The following KCNH7 variants were observed in gnomAD, a reference collection of about 807,000 sequenced individuals.
KCNH7 encodes the protein potassium voltage-gated channel subfamily H member 7.
In KCNH7, 49 loss-of-function variants were observed where a neutral mutation model predicts 120.8. The ratio of observed to expected loss-of-function variants is 0.41; its 90% confidence interval spans 0.32 to 0.51. The LOEUF (loss-of-function observed/expected upper bound fraction) is 0.51. Ranked by LOEUF, KCNH7 falls within the 20% of genes least tolerant of loss-of-function variation. The pLI is 0.38. For missense variants in KCNH7, 1,097 were observed against 1,446.6 expected (o/e 0.76, Z 3.92); for synonymous variants, 547 against 516.1 (o/e 1.06, Z -0.81).
intron 2 of KCNH7, among the ~76,000 whole-genome samples, chr2:162,736,087 CCTG>C: frequency 6.7e-6 from 1 of 149,350 alleles, no homozygotes; most frequent in East Asian, 1.9e-4. Flanking sequence ...GAATGCTTTT[CCTG>C]TTAACTGATG....
intron 2 of KCNH7, among the ~76,000 whole-genome samples, chr2:162,563,551 G>A (rs1693147206): frequency 6.6e-6 from 1 of 152,136 alleles, no homozygotes; most frequent in Non-Finnish European, 1.5e-5. Flanking sequence ...GATAAAGAAT[G>A]CCTTTGCAAA....
intron 2 of KCNH7, among the ~76,000 whole-genome samples, chr2:162,761,083 A>C (rs1559120502): frequency 6.6e-6 from 1 of 152,098 alleles, no homozygotes. Flanking sequence ...TTCTGTAAAA[A>C]CTAGTAACAC....
At chr2:162,560,532 G>A (rs1432630052) in intron 2 of KCNH7, among the ~76,000 whole-genome samples, 2 of 152,186 alleles carry the variant, frequency 1.3e-5, no homozygotes, top group African/African-American at 4.8e-5. Context: ...CAGAGGGACA[G>A]AAGATAATGT....
At chr2:162,538,501 C>T (rs1342877534) in intron 2 of KCNH7, among the ~76,000 whole-genome samples, 7 of 151,964 alleles carry the variant, frequency 4.6e-5, no homozygotes, top group Admixed American at 2.6e-4. Flanking sequence ...GTGCCAGGAC[C>T]CCTGGAGGCT....
At chr2:162,634,355 G>A (rs140624877) in intron 2 of KCNH7, among the ~76,000 whole-genome samples, 40 of 152,044 alleles carry the variant, frequency 2.6e-4, no homozygotes, top group African/African-American at 6.5e-4. Flanking sequence ...AGGGCATGCC[G>A]TCTTTATATC....
chr2:162,599,383 G>A (rs1027147324), intron 2 of KCNH7, among the ~76,000 whole-genome samples: 3 of 152,000 alleles, frequency 2.0e-5, no homozygotes, highest in African/African-American at 7.2e-5. Context: ...TCCAGGCAAA[G>A]CTGTAAGTTA....
intron 6 of KCNH7, among the ~76,000 whole-genome samples, chr2:162,491,036 A>G (rs368362641): frequency 4.6e-5 from 7 of 152,290 alleles, no homozygotes; most frequent in African/African-American, 1.7e-4. Context: ...GTGACCACGC[A>G]GGACAGGAAT....
intron 2 of KCNH7, among the ~76,000 whole-genome samples, chr2:162,632,170 C>A (rs1352149604): frequency 6.6e-6 from 1 of 151,906 alleles, no homozygotes; most frequent in Non-Finnish European, 1.5e-5. Context: ...AATGATTCAG[C>A]AAGATGGTAA....
At chr2:162,725,492 T>A (rs1687480564) in intron 2 of KCNH7, among the ~76,000 whole-genome samples, 1 of 152,190 alleles carries the variant, frequency 6.6e-6, no homozygotes, top group Non-Finnish European at 1.5e-5. Flanking sequence ...CATACAACTT[T>A]CATGCAGTCT....
intron 6 of KCNH7, among the ~76,000 whole-genome samples, chr2:162,468,512 CTTTTTTTTTTTTTTTT>C (rs1166606647): frequency 1.3e-5 from 1 of 78,916 alleles, no homozygotes; most frequent in African/African-American, 6.7e-5. Flanking sequence ...TATTCTTTTC[CTTTTTTTTTTTTTTTT>C]TTTTTTTTTT....
Position 162,384,885 on chromosome 2 carries a change from C to A in KCNH7, c.2765G>T (p.Ser922Ile), listed in dbSNP as rs1408416530. ...TTTCTCTTCAAAGTGTCTCTTGGAA[C>A]TCTGATAATGTCTTATGGTATCTGC... ...DSADTIRHYQ[S>I]SKRHFEEKKS... Residue 922 changes from serine (S) to isoleucine (I), a missense_variant, in exon 13 of 16, where the codon AGT (serine) becomes ATT (isoleucine). Physicochemically the swap from Ser to Ile is moderately radical, Grantham distance 142. Coordinates refer to ENST00000332142, the MANE Select transcript of KCNH7 (RefSeq NM_033272.4). The A allele has an allele frequency of 1.9e-6, 3 of 1,612,196 alleles. No homozygotes were observed.
At chr2:162,770,286 C>A (rs1165279472) in intron 2 of KCNH7, among the ~76,000 whole-genome samples, 1 of 150,328 alleles carries the variant, frequency 6.7e-6, no homozygotes, top group Non-Finnish European at 1.5e-5. Flanking sequence ...TATAGAGTTC[C>A]TGAACATTAC....
intron 2 of KCNH7, among the ~76,000 whole-genome samples, chr2:162,630,510 A>G (rs927981875): frequency 1.3e-5 from 2 of 152,094 alleles, no homozygotes; most frequent in Non-Finnish European, 2.9e-5. Context: ...AAAGTGAAAA[A>G]AATGTAATGT....
At position 162,518,010 on chromosome 2, in the gene KCNH7, T is replaced by C. The variant is rs1380313469; in HGVS notation, c.612A>G (p.Thr204=). 1.2e-6 allele frequency: 2 copies of C among 1,612,536 alleles called. No individual in the cohort carries two copies. Among genetic ancestry groups the C allele is most frequent in the African/African-American group, 2.7e-5 (2 of 74,898 alleles). ...CTTCAGAGGGGCTGCAGCTTTCTTT[T>C]GTAGGAGACTTAAAATGCTTCATGG... The part of the protein sequence containing the change: ...SVAMKHFKSP[T]KESCSPSEAD... Residue 204 remains threonine (T), a synonymous_variant, in exon 4 of 16, where the codon ACA becomes ACG. Coordinates refer to ENST00000332142, the MANE Select transcript of KCNH7 (RefSeq NM_033272.4).
At chr2:162,660,809 T>C (rs1684933667) in intron 2 of KCNH7, among the ~76,000 whole-genome samples, 1 of 152,178 alleles carries the variant, frequency 6.6e-6, no homozygotes, top group Non-Finnish European at 1.5e-5. Context: ...TTTAAAATGG[T>C]ATATGTCGAA....
intron 3 of KCNH7, among the ~76,000 whole-genome samples, chr2:162,523,898 G>A (rs1002300353): frequency 6.6e-6 from 1 of 151,734 alleles, no homozygotes; most frequent in Non-Finnish European, 1.5e-5. Flanking sequence ...TTCCTGCTTG[G>A]TTCTGCTAGG....
intron 2 of KCNH7, among the ~76,000 whole-genome samples, chr2:162,732,332 G>A (rs1452063748): frequency 6.6e-6 from 1 of 152,012 alleles, no homozygotes; most frequent in African/African-American, 2.4e-5. Context: ...GAAACCAAAA[G>A]GTTTTATATA....
intron 12 of KCNH7, among the ~76,000 whole-genome samples, chr2:162,386,008 T>G (rs1197132578): frequency 3.3e-5 from 5 of 151,908 alleles, no homozygotes; most frequent in African/African-American, 1.2e-4. Context: ...ATCAGTGTTA[T>G]GCGAAATTGT....
intron 12 of KCNH7, among the ~76,000 whole-genome samples, chr2:162,394,026 C>T (rs916293435): frequency 5.9e-5 from 9 of 151,974 alleles, no homozygotes; most frequent in African/African-American, 1.9e-4. Context: ...TGGCCTTCAT[C>T]CATGTCATGC....
Sources: allele counts gnomAD v4.1 joint callset (sites outside exome capture counted in the v4.1 genomes callset), GRCh38; gene constraint gnomAD v4.1.1; transcripts MANE v1.5; gene names NCBI Gene and HGNC (gene_info 2026-07-23, HGNC 2026-07-21).